The following BCAR3 variants were observed in gnomAD, a reference collection of about 807,000 sequenced individuals.
BCAR3 encodes the protein breast cancer anti-estrogen resistance protein 3.
In BCAR3, 37 loss-of-function variants were observed where a neutral mutation model predicts 80.1. The observed-to-expected ratio is 0.46, with a 90% CI of 0.36 to 0.61. BCAR3 has a LOEUF of 0.61. Ranked by LOEUF, BCAR3 falls within the 20% of genes least tolerant of loss-of-function variation. The pLI, the probability that BCAR3 is intolerant of heterozygous loss-of-function variation, is 0.00. For synonymous variants in BCAR3, 389 were observed against 418.9 expected (o/e 0.93, Z 0.87); for missense variants, 978 against 1,068.2 (o/e 0.92, Z 1.18).
chr1:93,776,149 T>A (rs1652537846), intron 2 of BCAR3, among the ~76,000 whole-genome samples: 1 of 152,082 alleles, frequency 6.6e-6, no homozygotes, highest in African/African-American at 2.4e-5. Context: ...GAGGGAGGTA[T>A]CCTCAGCAGT....
At chr1:93,812,078 C>T (rs1319474715) in intron 2 of BCAR3, among the ~76,000 whole-genome samples, 1 of 152,082 alleles carries the variant, frequency 6.6e-6, no homozygotes, top group Non-Finnish European at 1.5e-5. Context: ...TAATAAATGT[C>T]CTGTAAATAC....
In BCAR3 at chr1:93,623,133, C is replaced by T. The variant is rs1005393539; in HGVS notation, c.357+19171G>A. Among the ~76,000 whole-genome samples, 4 of 152,138 alleles carry T rather than the reference C, an allele frequency of 2.6e-5. No individual in the cohort carries two copies. The East Asian group carries it at 5.8e-4, about 22-fold the overall frequency. ...ACTTGGAGGCAATGGGTATCCAGTA[C>T]ATAAACCAGGAGGGAGATAAACTAG... On this transcript the variant is annotated intron_variant, in intron 3 of 11. Transcript: ENST00000260502.
At chr1:93,845,249 C>T (rs1009534755) in intron 2 of BCAR3, among the ~76,000 whole-genome samples, 1 of 151,964 alleles carries the variant, frequency 6.6e-6, no homozygotes, top group Admixed American at 6.6e-5. Flanking sequence ...TACAGAGCAT[C>T]TCTTCTCCCA....
At chr1:93,789,026 T>C (rs1292606397) in intron 2 of BCAR3, among the ~76,000 whole-genome samples, 1 of 152,104 alleles carries the variant, frequency 6.6e-6, no homozygotes, top group East Asian at 1.9e-4. Flanking sequence ...TTTTGAGAAA[T>C]GATCTGTCAC....
intron 3 of BCAR3, among the ~76,000 whole-genome samples, chr1:93,693,504 G>A (rs573477243): frequency 8.5e-5 from 13 of 152,154 alleles, no homozygotes; most frequent in Admixed American, 2.0e-4. Flanking sequence ...AACAATCCTC[G>A]CATATTCTGA....
At chr1:93,756,518 A>T (rs1306078235) in intron 2 of BCAR3, among the ~76,000 whole-genome samples, 2 of 152,200 alleles carry the variant, frequency 1.3e-5, no homozygotes, top group Non-Finnish European at 2.9e-5. Context: ...TTTGCATTTC[A>T]TTTCTCCTAT....
chr1:93,670,512 C>G (rs1169468029), intron 2 of BCAR3, among the ~76,000 whole-genome samples: 1 of 152,190 alleles, frequency 6.6e-6, no homozygotes, highest in Non-Finnish European at 1.5e-5. Flanking sequence ...ACAGCTGGTG[C>G]CAACATTCTT....
chr1:93,616,332 G>A (rs1482535480), intron 3 of BCAR3, among the ~76,000 whole-genome samples: 1 of 152,144 alleles, frequency 6.6e-6, no homozygotes, highest in Non-Finnish European at 1.5e-5. Flanking sequence ...CTCCTGAAAC[G>A]GTCAAGGAGA....
intron 3 of BCAR3, among the ~76,000 whole-genome samples, chr1:93,607,077 T>G (rs973566609): frequency 2.0e-5 from 3 of 152,086 alleles, no homozygotes; most frequent in Non-Finnish European, 2.9e-5. Context: ...AGGGACATAA[T>G]AGACACTGGG....
chr1:93,710,248 G>A (rs1469537118), intron 2 of BCAR3, among the ~76,000 whole-genome samples: 1 of 152,212 alleles, frequency 6.6e-6, no homozygotes, highest in Non-Finnish European at 1.5e-5. Flanking sequence ...CCCTGCTGGA[G>A]GGACCAGTCC....
chr1:93,583,012 C>T (rs1570931192), intron 6 of BCAR3, 59 bp from the exon 7 acceptor site: 6 of 1,498,518 alleles, frequency 4.0e-6, no homozygotes, highest in Non-Finnish European at 5.3e-6. Flanking sequence ...ATAAAACAAA[C>T]AAAACCAGAG....
chr1:93,737,600 T>G (rs1393168603), intron 2 of BCAR3, among the ~76,000 whole-genome samples: 2 of 152,212 alleles, frequency 1.3e-5, no homozygotes, highest in Non-Finnish European at 2.9e-5. Flanking sequence ...TTCTGGACTT[T>G]TGGCCTCCTG....
chr1:93,702,103 A>G (rs1430293846), intron 3 of BCAR3, among the ~76,000 whole-genome samples: 1 of 152,126 alleles, frequency 6.6e-6, no homozygotes, highest in Non-Finnish European at 1.5e-5. Context: ...TGTGGCAATG[A>G]AATTCTCACG....
chr1:93,638,578 T>TA (rs3835662), intron 3 of BCAR3, among the ~76,000 whole-genome samples: 5,163 of 151,222 alleles, frequency 0.034, 132 homozygotes, highest in East Asian at 0.12. Context: ...TTCCTCCTAT[T>TA]AAAAAAAAAT....
intron 2 of BCAR3, among the ~76,000 whole-genome samples, chr1:93,751,606 T>G (rs1014362677): frequency 2.6e-5 from 4 of 152,138 alleles, no homozygotes; most frequent in African/African-American, 9.7e-5. Flanking sequence ...TCGGACCTAG[T>G]TTTCTTCTAA....
intron 2 of BCAR3, among the ~76,000 whole-genome samples, chr1:93,798,358 AT>A (rs1259013560): frequency 6.6e-6 from 1 of 151,578 alleles, no homozygotes; most frequent in Non-Finnish European, 1.5e-5. Context: ...TTTTATTTTT[AT>A]TTTTTTTGCT....
At chr1:93,576,437 G>C (rs1673462809) in intron 7 of BCAR3, among the ~76,000 whole-genome samples, 1 of 152,178 alleles carries the variant, frequency 6.6e-6, no homozygotes, top group Non-Finnish European at 1.5e-5. Context: ...CTGAGCTTTT[G>C]TCTGACACCG....
intron 3 of BCAR3, among the ~76,000 whole-genome samples, chr1:93,624,188 C>T (rs553026152): frequency 6.6e-6 from 1 of 152,318 alleles, no homozygotes; most frequent in African/African-American, 2.4e-5. Flanking sequence ...GGCATCAGCA[C>T]CATCCTCAGC....
chr1:93,632,144 A>G (rs1371509997), intron 3 of BCAR3, among the ~76,000 whole-genome samples: 1 of 152,194 alleles, frequency 6.6e-6, no homozygotes, highest in Non-Finnish European at 1.5e-5. Context: ...AGTGTGACAA[A>G]AGCACTATCC....
Sources: gnomAD v4.1 joint callset for allele counts (sites outside exome capture counted in the v4.1 genomes callset) on GRCh38, gnomAD v4.1.1 for gene constraint, MANE v1.5 for transcripts, NCBI Gene and HGNC (gene_info 2026-07-23, HGNC 2026-07-21) for gene names.